Variants in IRS2 observed in about 807,000 individuals in gnomAD.
IRS2 encodes insulin receptor substrate 2.
In IRS2, 28 loss-of-function variants were observed where a neutral mutation model predicts 70.9. That is an observed-to-expected ratio of 0.39 (90% CI 0.29 to 0.54). The LOEUF is 0.54. Ranked by LOEUF, IRS2 falls within the 20% of genes least tolerant of loss-of-function variation. The pLI is 0.59. For missense variants in IRS2, 2,081 were observed against 2,024.1 expected (o/e 1.03, Z -0.54); for synonymous variants, 1,217 against 981.9 (o/e 1.24, Z -4.48).
Position 109,782,784 on chromosome 13 carries a change from G to C in IRS2, c.3270C>G (p.Pro1090=). 6.2e-7 allele frequency: 1 copy of C among 1,603,548 alleles called. No individual in the cohort carries two copies. Among genetic ancestry groups the C allele is most frequent in the Non-Finnish European group, 8.5e-7 (1 of 1,176,074 alleles). ...AATPPQPIAA[P]PKPEAARVAS... is the part of the protein sequence containing the mutation. ...CCACGCGGGCAGCTTCTGGCTTCGG[G>C]GGGGCCGCGATAGGTTGCGGCGGGG... Residue 1090 remains proline, a synonymous_variant, in exon 1 of 2, where the codon CCC becomes CCG. Coordinates refer to ENST00000375856, the MANE Select transcript of IRS2 (RefSeq NM_003749.3).
At chr13:109,756,370 TC>T in intron 1 of IRS2, 62 bp from the exon 2 acceptor site, 1 of 1,478,152 alleles carries the variant, frequency 6.8e-7, no homozygotes. Flanking sequence ...TCTCTGGAGT[TC>T]CAGAAAGGGC....
At chr13:109,773,844 A>G (rs945392972) in intron 1 of IRS2, among the ~76,000 whole-genome samples, 1 of 152,256 alleles carries the variant, frequency 6.6e-6, no homozygotes, top group Admixed American at 6.5e-5. Flanking sequence ...TCTAAAGAGC[A>G]TAGGCTGTAT....
intron 1 of IRS2, among the ~76,000 whole-genome samples, chr13:109,767,616 G>A (rs371047449): frequency 2.0e-4 from 30 of 151,812 alleles, no homozygotes; most frequent in East Asian, 1.9e-3. Context: ...AAGCAGATGC[G>A]TACAGAATAG....
Position 109,784,714 on chromosome 13 carries a change from G to A in IRS2, c.1340C>T (p.Ser447Phe). ...HSPPAATSPG[S>F]LSSSSGHGSG... ...GCCGTGGCCGCTGCTGGACGACAGG[G>A]AGCCGGGGCTGGTGGCGGCGGGCGG... Residue 447 changes from serine to phenylalanine, a missense_variant, in exon 1 of 2, where the codon TCC becomes TTC. Ser to Phe is a radical substitution (Grantham distance 155). Transcript: ENST00000375856. The surrounding 1 kb of genome is among the most constrained non-coding windows in gnomAD (Gnocchi z 5.2). The A allele has an allele frequency of 8.1e-7, 1 of 1,238,620 alleles. No individual in the cohort carries two copies. Among genetic ancestry groups the A allele is most frequent in the Non-Finnish European group, 1.0e-6 (1 of 992,928 alleles). 76.7% of individuals were successfully genotyped at this position (1,238,620 alleles called of 1,614,324 possible). A position where few individuals can be genotyped will look rare whatever the true frequency, so the allele number is the denominator to read the frequency against.
At position 109,785,942 on chromosome 13, in the gene IRS2, G is replaced by T. The variant is rs1213621000; in HGVS notation, c.112C>A (p.Arg38Ser). The change falls in exon 1 of 2, where the codon CGC (arginine) becomes AGC (serine). Residue 38 changes from arginine (R) to serine (S), a missense_variant. By Grantham distance (110) the Arg-to-Ser change is moderately radical (BLOSUM62 -1). Coordinates refer to ENST00000375856, the MANE Select transcript of IRS2 (RefSeq NM_003749.3). This position sits in a 1 kb window ranked among gnomAD's most constrained non-coding sequence, Gnocchi z 9.3. ...NHSVRKCGYLRKQKHGHKRFF... is the reference protein window; with the variant it reads ...NHSVRKCGYLSKQKHGHKRFF... ...CGCTTGTGGCCATGCTTCTGCTTGC[G>T]CAGGTAGCCGCACTTGCGCACGCTG... is the stretch of plus-strand genomic sequence containing the variant. 3.3e-6 allele frequency: 5 copies of T among 1,497,866 alleles called. No homozygotes were observed. Among genetic ancestry groups the T allele is most frequent in the Middle Eastern group, 1.7e-4 (1 of 5,814 alleles). 92.8% of individuals were successfully genotyped at this position (1,497,866 alleles called of 1,614,324 possible).
Position 109,785,402 on chromosome 13 carries a change from G to T in IRS2, c.652C>A (p.Arg218Ser). The T allele has an allele frequency of 6.2e-7, 1 of 1,612,470 alleles. No individual in the cohort carries two copies. The highest frequency in any genetic ancestry group is 8.5e-7 in the Non-Finnish European group (1 of 1,179,898). ...ATGGTGCGCGCAGACAGGCACAGAC[G>T]GTACACCCCCGTCAGGTTCTTGCTC... ...GQSKNLTGVY[R>S]LCLSARTIGF... The change falls in exon 1 of 2, where the codon CGT becomes AGT. Residue 218 changes from arginine (R) to serine (S), a missense_variant. Physicochemically the swap from Arg to Ser is moderately radical, Grantham distance 110. Around this residue, in one of 4 missense-constraint regions of IRS2, gnomAD observed 320 missense variants for 352.9 expected, o/e 0.91. Coordinates refer to ENST00000375856, the MANE Select transcript of IRS2 (RefSeq NM_003749.3). This position sits in a 1 kb window ranked among gnomAD's most constrained non-coding sequence, Gnocchi z 9.3.
chr13:109,782,556 G>C lies in IRS2; in HGVS notation c.3498C>G (p.Ala1166=), dbSNP rs1188076803. The C allele has an allele frequency of 6.4e-7, 1 of 1,564,584 alleles. No homozygotes were observed. Among genetic ancestry groups the C allele is most frequent in the African/African-American group, 1.3e-5 (1 of 74,170 alleles). The change falls in exon 1 of 2, where the codon GCC becomes GCG. Residue 1166 remains alanine (A), a synonymous_variant. Transcript: ENST00000375856. ...TTVTPVSPSF[A]HNPKRHNSAS... is the part of the protein sequence containing the mutation. ...CCGAGTTGTGGCGCTTGGGGTTGTG[G>C]GCGAAGGACGGGGACACGGGGGTGA...
In IRS2 at chr13:109,783,652, C is replaced by T. The variant is rs1877802167; in HGVS notation, c.2402G>A (p.Cys801Tyr). ...GGAGCGGGGCAAGGAGCTGTAGCAG[C>T]AGCCGGGAACGCCCCTGAGCGGCTC... is the stretch of plus-strand genomic sequence containing the variant. The part of the protein sequence containing the change: ...GGEPLRGVPG[C>Y]CYSSLPRSYK... The change falls in exon 1 of 2, where the codon TGC becomes TAC. Residue 801 changes from cysteine to tyrosine, a missense_variant. Physicochemically the swap from Cys to Tyr is radical, Grantham distance 194. Transcript: ENST00000375856. 6.4e-7 allele frequency: 1 copy of T among 1,554,254 alleles called. No homozygotes were observed. Among genetic ancestry groups the T allele is most frequent in the Non-Finnish European group, 8.7e-7 (1 of 1,148,694 alleles).
At position 109,782,168 on chromosome 13, in the gene IRS2, C is replaced by T. The variant is rs2138928992; in HGVS notation, c.3886G>A (p.Ala1296Thr). Reference protein sequence around the residue: ...RTRSLGGLISAVGVGSTGGGC... With the variant: ...RTRSLGGLISTVGVGSTGGGC... ...CCGCCGGTGCTGCCGACGCCCACAG[C>T]GCTGATGAGACCCCCGAGGCTTCGG... is the stretch of plus-strand genomic sequence containing the variant. The change falls in exon 1 of 2, where the codon GCT becomes ACT. Residue 1296 changes from alanine (A) to threonine (T), a missense_variant. Transcript: ENST00000375856. 6.2e-7 allele frequency: 1 copy of T among 1,606,648 alleles called. No individual in the cohort carries two copies.
Position 109,783,168 on chromosome 13 carries a change from G to A in IRS2, c.2886C>T (p.Thr962=), listed in dbSNP as rs1265156654. The change falls in exon 1 of 2, where the codon ACC becomes ACT. Residue 962 remains threonine (T), a synonymous_variant. Coordinates refer to ENST00000375856, the MANE Select transcript of IRS2 (RefSeq NM_003749.3). ...SSPASSLGSG[T]PGTSSDSRQR... ...GCCGGCTGTCGCTGCTGGTGCCCGG[G>A]GTGCCTGAGCCCAGCGACGAGGCCG... The A allele has an allele frequency of 7.2e-7, 1 of 1,381,014 alleles. No homozygotes were observed. Among genetic ancestry groups the A allele is most frequent in the Non-Finnish European group, 9.3e-7 (1 of 1,073,420 alleles). 85.5% of individuals were successfully genotyped at this position (1,381,014 alleles called of 1,614,324 possible).
chr13:109,755,705 T>C lies in IRS2; in HGVS notation c.*599A>G, dbSNP rs536478934. The stretch of plus-strand genomic sequence containing the variant: ...TGTGGACGTAAACATCGCAGGTACC[T>C]GCACTGGAATCCAACAAGCAGCTGT... On this transcript the variant is annotated 3_prime_UTR_variant, in exon 2 of 2. Transcript: ENST00000375856. 6 of 204,440 alleles carry C rather than the reference T, an allele frequency of 2.9e-5. No individual in the cohort carries two copies. The highest frequency in any genetic ancestry group is 6.0e-5 in the Non-Finnish European group (6 of 99,546). The allele number at this position is 204,440 out of a possible 1,614,324, so 12.7% of individuals were successfully genotyped here. A position where few individuals can be genotyped will look rare whatever the true frequency, so the allele number is the denominator to read the frequency against.
intron 1 of IRS2, among the ~76,000 whole-genome samples, chr13:109,767,389 T>A (rs181468138): frequency 3.3e-5 from 5 of 152,072 alleles, no homozygotes; most frequent in Non-Finnish European, 5.9e-5. Context: ...ATTTCCCAAA[T>A]TGCCAGAAGT....
chr13:109,784,575 G>A lies in IRS2; in HGVS notation c.1479C>T (p.Ser493=), dbSNP rs572999394. The part of the protein sequence containing the change: ...SGSASASGSP[S]DPGFMSLDEY... ...CGTCCAGGGACATGAAGCCGGGGTCGCTGGGGGAGCCCGAGGCGGAGGCGC... is the reference window on the plus strand; with the variant it reads ...CGTCCAGGGACATGAAGCCGGGGTCACTGGGGGAGCCCGAGGCGGAGGCGC... The change falls in exon 1 of 2, where the codon AGC becomes AGT. Residue 493 remains serine (S), a synonymous_variant. Coordinates refer to ENST00000375856, the MANE Select transcript of IRS2 (RefSeq NM_003749.3). The surrounding 1 kb of genome is among the most constrained non-coding windows in gnomAD (Gnocchi z 5.2). 2.4e-4 allele frequency: 331 copies of A among 1,392,108 alleles called. 3 individuals carry two copies. In the South Asian group the frequency reaches 5.0e-3, roughly 21 times the overall value. The allele number at this position is 1,392,108 out of a possible 1,614,324, so 86.2% of individuals were successfully genotyped here.
At position 109,752,861 on chromosome 13, in the gene IRS2, T is replaced by C. The variant is rs1441145286; in HGVS notation, c.*3443A>G. 6.6e-6 allele frequency: 1 copy of C among 152,206 alleles called. No individual in the cohort carries two copies. The highest frequency in any genetic ancestry group is 1.5e-5 in the Non-Finnish European group (1 of 68,032). 9.4% of individuals were successfully genotyped at this position (152,206 alleles called of 1,614,324 possible). A position where few individuals can be genotyped will look rare whatever the true frequency, so the allele number is the denominator to read the frequency against. ...ATTTTCTATTTTCTGCTTCCTGAAT[T>C]GCATTTTCCTGGATCTGATGATTTT... On this transcript the variant is annotated 3_prime_UTR_variant, in exon 2 of 2. Transcript: ENST00000375856.
Position 109,783,711 on chromosome 13 carries a change from G to T in IRS2, c.2343C>A (p.Pro781=). ...PSDAVTTGTP[P]DFFSAALHPG... ...GGTGCAGGGCTGCGGAGAAGAAGTC[G>T]GGCGGGGTGCCCGTGGTGACCGCGT... is the stretch of plus-strand genomic sequence containing the variant. The change falls in exon 1 of 2, where the codon CCC becomes CCA. Residue 781 remains proline, a synonymous_variant. Coordinates refer to ENST00000375856, the MANE Select transcript of IRS2 (RefSeq NM_003749.3). The T allele has an allele frequency of 6.4e-7, 1 of 1,571,022 alleles. No individual in the cohort carries two copies. Among genetic ancestry groups the T allele is most frequent in the East Asian group, 2.4e-5 (1 of 42,298 alleles).
At chr13:109,757,824 G>A (rs995996521) in intron 1 of IRS2, among the ~76,000 whole-genome samples, 6 of 152,114 alleles carry the variant, frequency 3.9e-5, no homozygotes, top group African/African-American at 1.4e-4. Flanking sequence ...TGGGATTACA[G>A]GTACGTGCCA....
rs751517002 is a variant in IRS2 at position 109,785,358 on chromosome 13, G to A, written c.696C>T (p.Asn232=). The A allele has an allele frequency of 6.2e-7, 1 of 1,612,216 alleles. No homozygotes were observed. Among genetic ancestry groups the A allele is most frequent in the Non-Finnish European group, 8.5e-7 (1 of 1,179,800 alleles). The change falls in exon 1 of 2, where the codon AAC becomes AAT. Residue 232 remains asparagine, a synonymous_variant. Coordinates refer to ENST00000375856, the MANE Select transcript of IRS2 (RefSeq NM_003749.3). This position sits in a 1 kb window ranked among gnomAD's most constrained non-coding sequence, Gnocchi z 9.3. ...GCAGCGTCACCGACGGCTGCTCGCAGTTGAGCTTCACGAAGCCGATGGTGC... is the reference window on the plus strand; with the variant it reads ...GCAGCGTCACCGACGGCTGCTCGCAATTGAGCTTCACGAAGCCGATGGTGC... ...SARTIGFVKL[N]CEQPSVTLQL...
rs1182991574 is a variant in IRS2, at chr13:109,755,491, A to G, written c.*813T>C. 1 of 214,126 alleles carries G rather than the reference A, an allele frequency of 4.7e-6. No individual in the cohort carries two copies. The highest frequency in any genetic ancestry group is 9.4e-6 in the Non-Finnish European group (1 of 105,962). The allele number at this position is 214,126 out of a possible 1,614,324, so 13.3% of individuals were successfully genotyped here. A position where few individuals can be genotyped will look rare whatever the true frequency, so the allele number is the denominator to read the frequency against. On this transcript the variant is annotated 3_prime_UTR_variant, in exon 2 of 2. Transcript: ENST00000375856. ...ATCGAGAAGATTAAACAAGTCTGTT[A>G]AAGGTAAAAAGAGATATTCATCCCC...
At chr13:109,760,487 A>G (rs1877201958) in intron 1 of IRS2, among the ~76,000 whole-genome samples, 2 of 152,382 alleles carry the variant, frequency 1.3e-5, no homozygotes, top group South Asian at 4.1e-4. Context: ...TATTTGAGCA[A>G]ATAAAACCAA....
Sources: gnomAD v4.1 joint callset for allele counts (sites outside exome capture counted in the v4.1 genomes callset) on GRCh38, gnomAD v4.1.1 for gene constraint, gnomAD v4.1.1 regional missense constraint, Gnocchi (gnomAD v3.1) non-coding constraint, MANE v1.5 for transcripts, NCBI Gene and HGNC (gene_info 2026-07-23, HGNC 2026-07-21) for gene names.